ULK4: variants seen among roughly 807,000 people sequenced by gnomAD.
ULK4 encodes the protein inactive serine/threonine-protein kinase ULK4.
A neutral mutation model predicts 160.6 loss-of-function variants in ULK4; 133 were observed. The ratio of observed to expected loss-of-function variants is 0.83; its 90% CI spans 0.72 to 0.96. The LOEUF (loss-of-function observed/expected upper bound fraction) is 0.96. Among genes scored for constraint, ULK4 ranks in the 40% least tolerant of loss-of-function variants. ULK4 has a pLI of 0.00. For synonymous variants in ULK4, 534 were observed against 539.8 expected (o/e 0.99, Z 0.15); for missense variants, 1,580 against 1,499.5 (o/e 1.05, Z -0.89).
In ULK4 at chr3:41,827,139, A is replaced by C. The variant is rs569999616; in HGVS notation, c.1765-7633T>G. Among the ~76,000 whole-genome samples the C allele has an allele frequency of 8.9e-3, 1,085 of 121,580 alleles. 2 individuals carry two copies. The highest frequency in any genetic ancestry group is 0.046 in the Middle Eastern group (9 of 196). The allele number at this position is 121,580 out of a possible 152,430, so 79.8% of individuals were successfully genotyped here. ...GAACAAAGACACAACATACCAGAATACCTGGGACACATTCAAAGCAGTGTG... is the reference window on the plus strand; with the variant it reads ...GAACAAAGACACAACATACCAGAATCCCTGGGACACATTCAAAGCAGTGTG... On this transcript the variant is annotated intron_variant, in intron 18 of 36. Coordinates refer to ENST00000301831, the MANE Select transcript of ULK4 (RefSeq NM_017886.4).
chr3:41,350,637 A>G (rs1157626262), intron 35 of ULK4, among the ~76,000 whole-genome samples: 3 of 152,104 alleles, frequency 2.0e-5, no homozygotes, highest in Non-Finnish European at 4.4e-5. Flanking sequence ...CTCACGGTTT[A>G]CTCTTAACTG....
chr3:41,628,677 T>C (rs1238277570), intron 30 of ULK4, among the ~76,000 whole-genome samples: 4 of 152,136 alleles, frequency 2.6e-5, no homozygotes, highest in African/African-American at 9.7e-5. Flanking sequence ...AAAAAGTATA[T>C]CATTTGGAAA....
At chr3:41,717,944 T>A in intron 22 of ULK4, 83 bp from the exon 23 acceptor site, 1 of 1,499,578 alleles carries the variant, frequency 6.7e-7, no homozygotes, top group South Asian at 1.3e-5. Context: ...AAGGCAAGTG[T>A]TTCCAGAGGG....
rs936586677 is a variant in ULK4 at position 41,776,619 on chromosome 3, T to C, written c.2193+13042A>G. On this transcript the variant is annotated intron_variant, in intron 21 of 36. Coordinates refer to ENST00000301831, the MANE Select transcript of ULK4 (RefSeq NM_017886.4). ...CCATCAATACCTAATTTATTGAAAG[T>C]TTTTAGCATGAAGGGTTGTTGAATT... 3.5e-5 allele frequency among the ~76,000 whole-genome samples: 4 copies of C among 113,888 alleles called. 2 individuals carry two copies. The highest frequency in any genetic ancestry group is 8.2e-5 in the Non-Finnish European group (4 of 48,960). 74.7% of individuals were successfully genotyped at this position (113,888 alleles called of 152,430 possible).
chr3:41,831,281 C>T (rs985809695), intron 18 of ULK4, among the ~76,000 whole-genome samples: 2 of 151,900 alleles, frequency 1.3e-5, no homozygotes, highest in African/African-American at 2.4e-5. Flanking sequence ...CTGCCTTGGC[C>T]TCCAAAAGTA....
intron 22 of ULK4, among the ~76,000 whole-genome samples, chr3:41,732,197 G>A (rs2037853156): frequency 6.6e-6 from 1 of 151,978 alleles, no homozygotes; most frequent in Non-Finnish European, 1.5e-5. Context: ...GCTACAGAAT[G>A]GGAGAAAATA....
At position 41,622,955 on chromosome 3, in the gene ULK4, C is replaced by T. The variant is rs2033326796; in HGVS notation, c.3072-7238G>A. 1.3e-5 allele frequency among the ~76,000 whole-genome samples: 2 copies of T among 152,094 alleles called. 1 individual carries two copies. Among genetic ancestry groups the T allele is most frequent in the Non-Finnish European group, 2.9e-5 (2 of 68,004 alleles). On this transcript the variant is annotated intron_variant, in intron 30 of 36. Transcript: ENST00000301831. ...CATAAAGAATATAGAAAGAAATAAA[C>T]ATGGGTGTGTTCCAATAAAACTTTA...
chr3:41,936,087 A>T, intron 3 of ULK4, 147 bp from the exon 4 acceptor site: 1 of 1,031,084 alleles, frequency 9.7e-7, no homozygotes, highest in Non-Finnish European at 1.4e-6. Flanking sequence ...ACATGTGAGT[A>T]AATACAGTGG....
intron 7 of ULK4, among the ~76,000 whole-genome samples, chr3:41,916,503 C>G (rs545413920): frequency 6.6e-6 from 1 of 152,154 alleles, no homozygotes; most frequent in Admixed American, 6.5e-5. Flanking sequence ...ATCCTCTCAC[C>G]CCAGCCTCCA....
chr3:41,516,173 CAT>C (rs2085741164), intron 32 of ULK4, among the ~76,000 whole-genome samples: 1 of 152,136 alleles, frequency 6.6e-6, no homozygotes, highest in African/African-American at 2.4e-5. Flanking sequence ...ATTAGAAATA[CAT>C]GTTCTGATTC....
At chr3:41,286,431 C>T (rs72862002) in intron 35 of ULK4, among the ~76,000 whole-genome samples, 1 of 152,054 alleles carries the variant, frequency 6.6e-6, no homozygotes. Context: ...ACGGATATGA[C>T]AAGCCCACCA....
chr3:41,476,055 AAGGG>A (rs1316550835), intron 32 of ULK4, among the ~76,000 whole-genome samples: 1 of 122,182 alleles, frequency 8.2e-6, no homozygotes, highest in Admixed American at 8.5e-5. Flanking sequence ...AAAAGGAAGG[AAGGG>A]AGGGAGGGAG....
chr3:41,377,154 G>A (rs1437902189), intron 35 of ULK4, among the ~76,000 whole-genome samples: 3 of 152,108 alleles, frequency 2.0e-5, no homozygotes, highest in Non-Finnish European at 4.4e-5. Context: ...AATGGTGCTG[G>A]GAAAACTGGC....
intron 30 of ULK4, among the ~76,000 whole-genome samples, chr3:41,662,731 T>C (rs1398872558): frequency 6.6e-6 from 1 of 152,118 alleles, no homozygotes; most frequent in Non-Finnish European, 1.5e-5. Flanking sequence ...ACAAGAAAAG[T>C]AGTTTTCTTG....
intron 35 of ULK4, among the ~76,000 whole-genome samples, chr3:41,289,842 T>C (rs529430624): frequency 6.9e-6 from 1 of 145,858 alleles, no homozygotes; most frequent in South Asian, 2.1e-4. Context: ...TATGTATGTA[T>C]GTATGTATGT....
At chr3:41,914,005 T>C (rs1029405602) in intron 8 of ULK4, among the ~76,000 whole-genome samples, 20 of 152,290 alleles carry the variant, frequency 1.3e-4, no homozygotes, top group African/African-American at 4.6e-4. Context: ...ATCAGCTTCA[T>C]AACCATATAC....
At position 41,774,124 on chromosome 3, in the gene ULK4, A is replaced by G. The variant is rs548848199; in HGVS notation, c.2193+15537T>C. Among the ~76,000 whole-genome samples the G allele has an allele frequency of 6.6e-5, 10 of 152,312 alleles. No homozygotes were observed. In the South Asian group the frequency reaches 2.1e-3, roughly 32 times the overall value. On this transcript the variant is annotated intron_variant, in intron 21 of 36. Transcript: ENST00000301831. ...GACCTAAAACCATAAAGAGCCTAGA[A>G]GAAAACCTAGGCATTACCATTCAGG...
At chr3:41,770,339 A>AC (rs1168327676) in intron 21 of ULK4, among the ~76,000 whole-genome samples, 1 of 152,144 alleles carries the variant, frequency 6.6e-6, no homozygotes, top group Non-Finnish European at 1.5e-5. Context: ...CAAAACATGA[A>AC]CCACTCAGCC....
At chr3:41,834,760 A>G (rs1476615841) in intron 18 of ULK4, among the ~76,000 whole-genome samples, 1 of 152,188 alleles carries the variant, frequency 6.6e-6, no homozygotes, top group Non-Finnish European at 1.5e-5. Flanking sequence ...AAATACAATT[A>G]CAGTCATGTA....
Sources: gnomAD v4.1 joint callset for allele counts (sites outside exome capture counted in the v4.1 genomes callset) on GRCh38, gnomAD v4.1.1 for gene constraint, MANE v1.5 for transcripts, NCBI Gene and HGNC (gene_info 2026-07-23, HGNC 2026-07-21) for gene names.